MYO16: variants seen among roughly 807,000 people sequenced by gnomAD.
MYO16 encodes myosin XVI, also known as unconventional myosin-XVI.
In MYO16, 94 loss-of-function variants were observed where a neutral mutation model predicts 205.3. That is an observed-to-expected ratio of 0.46 (90% CI 0.39 to 0.54). MYO16 has a LOEUF of 0.54. Ranked by LOEUF, MYO16 falls within the 20% of genes least tolerant of loss-of-function variation. MYO16 has a pLI of 0.00. For missense variants in MYO16, 2,315 were observed against 2,387.5 expected, an observed-to-expected ratio of 0.97 and a Z score of 0.63; for synonymous variants, 988 against 954.0, an observed-to-expected ratio of 1.04 and a Z score of -0.66.
chr13:108,995,908 G>A (rs1884986666), intron 21 of MYO16, among the ~76,000 whole-genome samples: 1 of 152,150 alleles, frequency 6.6e-6, no homozygotes, highest in Non-Finnish European at 1.5e-5. Flanking sequence ...AGTTAGAATG[G>A]CGATCATTAA....
Position 108,691,527 on chromosome 13 carries a change from C to G in MYO16, c.293-21134C>G, listed in dbSNP as rs8002774. ...CTAGCACAAATGTACTGTTTACTTG[C>G]TTTTATGTTTTGTTTTGTTGTTTTC... On this transcript the variant is annotated intron_variant, in intron 2 of 34. Transcript: ENST00000457511. 6.0e-3 allele frequency among the ~76,000 whole-genome samples: 908 copies of G among 152,092 alleles called. 8 individuals carry two copies. Among genetic ancestry groups the G allele is most frequent in the African/African-American group, 0.021 (880 of 41,508 alleles).
At chr13:108,634,777 T>C (rs1389089385) in intron 1 of MYO16, among the ~76,000 whole-genome samples, 1 of 152,238 alleles carries the variant, frequency 6.6e-6, no homozygotes, top group Non-Finnish European at 1.5e-5. Flanking sequence ...TAGCAGCTTT[T>C]CCTCCACCCC....
At chr13:109,123,369 A>C (rs1876084756) in intron 29 of MYO16, among the ~76,000 whole-genome samples, 1 of 152,170 alleles carries the variant, frequency 6.6e-6, no homozygotes, top group Admixed American at 6.5e-5. Context: ...ATCCACATTA[A>C]TCTTCTCTTT....
chr13:108,789,140 C>T (rs1326625494), intron 5 of MYO16, among the ~76,000 whole-genome samples: 2 of 152,196 alleles, frequency 1.3e-5, no homozygotes, highest in East Asian at 3.8e-4. Flanking sequence ...TTTGAAACAA[C>T]ATGTCTCTGT....
intron 1 of MYO16, among the ~76,000 whole-genome samples, chr13:108,647,193 C>T (rs1325606091): frequency 6.6e-6 from 1 of 152,130 alleles, no homozygotes; most frequent in Non-Finnish European, 1.5e-5. Context: ...TTCACCATCT[C>T]TCAAAGGTTC....
intron 34 of MYO16, among the ~76,000 whole-genome samples, chr13:109,190,456 TAG>T (rs924357110): frequency 1.3e-5 from 2 of 152,212 alleles, no homozygotes; most frequent in African/African-American, 4.8e-5. Context: ...TGTGAGCTTA[TAG>T]AGAGTGCATT....
chr13:108,768,100 A>C (rs1171734630), intron 4 of MYO16, among the ~76,000 whole-genome samples: 2 of 152,172 alleles, frequency 1.3e-5, no homozygotes, highest in East Asian at 3.8e-4. Context: ...CTGAGATTCC[A>C]GCCCAGGCTT....
intron 27 of MYO16, among the ~76,000 whole-genome samples, chr13:109,068,037 C>T (rs992862577): frequency 6.6e-6 from 1 of 152,154 alleles, no homozygotes; most frequent in African/African-American, 2.4e-5. Flanking sequence ...ACATTCAATA[C>T]CACACAAATG....
At chr13:109,200,802 T>C (rs893289047) in intron 34 of MYO16, among the ~76,000 whole-genome samples, 3 of 151,900 alleles carry the variant, frequency 2.0e-5, no homozygotes, top group Admixed American at 6.6e-5. Flanking sequence ...GACTCAAATC[T>C]TTAAGTCTGT....
At chr13:109,133,674 G>A (rs1252476837) in intron 31 of MYO16, among the ~76,000 whole-genome samples, 3 of 152,164 alleles carry the variant, frequency 2.0e-5, no homozygotes, top group Non-Finnish European at 2.9e-5. Flanking sequence ...ATCATGGACT[G>A]TCTTCCCTAC....
At chr13:108,826,906 G>A (rs1876301698) in intron 9 of MYO16, among the ~76,000 whole-genome samples, 1 of 152,160 alleles carries the variant, frequency 6.6e-6, no homozygotes, top group African/African-American at 2.4e-5. Flanking sequence ...AGGATGTGGA[G>A]GAACTGCCAC....
intron 12 of MYO16, among the ~76,000 whole-genome samples, chr13:108,871,533 G>A (rs549373762): frequency 1.9e-4 from 29 of 152,170 alleles, no homozygotes; most frequent in African/African-American, 4.1e-4. Context: ...TAGACAAACC[G>A]CCTTGACCTT....
intron 1 of MYO16, among the ~76,000 whole-genome samples, chr13:108,657,235 T>C (rs1458198739): frequency 6.6e-6 from 1 of 152,230 alleles, no homozygotes; most frequent in Non-Finnish European, 1.5e-5. Flanking sequence ...CTGTCACCAA[T>C]CAGGTGGCTG....
At chr13:109,071,166 G>T (rs1374107384) in intron 27 of MYO16, among the ~76,000 whole-genome samples, 2 of 151,960 alleles carry the variant, frequency 1.3e-5, no homozygotes, top group Non-Finnish European at 2.9e-5. Flanking sequence ...CACGTCATTT[G>T]CTAAAGAATG....
chr13:109,087,664 C>T (rs772910141), intron 27 of MYO16, among the ~76,000 whole-genome samples: 2 of 152,124 alleles, frequency 1.3e-5, no homozygotes, highest in African/African-American at 4.8e-5. Flanking sequence ...GAACTAAAAA[C>T]TCCACAACGC....
chr13:108,558,374 A>G, the MYO16 span, among the ~76,000 whole-genome samples: 1 of 152,334 alleles, frequency 6.6e-6, no homozygotes, highest in East Asian at 1.9e-4. Context: ...AAGAGGCATC[A>G]TCTTTGCCAT....
At chr13:109,173,601 TAA>T (rs1312274676) in intron 33 of MYO16, among the ~76,000 whole-genome samples, 1 of 152,018 alleles carries the variant, frequency 6.6e-6, no homozygotes, top group East Asian at 1.9e-4. Flanking sequence ...AATGCCAATT[TAA>T]AGAGTGTCTC....
intron 16 of MYO16, among the ~76,000 whole-genome samples, chr13:108,923,776 T>C (rs1881853673): frequency 6.6e-6 from 1 of 152,228 alleles, no homozygotes; most frequent in Non-Finnish European, 1.5e-5. Flanking sequence ...GTCTTTGGCT[T>C]GTTTGTGTGA....
intron 33 of MYO16, among the ~76,000 whole-genome samples, chr13:109,170,764 G>A (rs1019277336): frequency 6.6e-6 from 1 of 152,078 alleles, no homozygotes; most frequent in African/African-American, 2.4e-5. Context: ...AAATGGAGAT[G>A]TTTGTGAAAT....
Sources: allele counts gnomAD v4.1 joint callset (sites outside exome capture counted in the v4.1 genomes callset), GRCh38; gene constraint gnomAD v4.1.1; transcripts MANE v1.5; gene names NCBI Gene and HGNC (gene_info 2026-07-23, HGNC 2026-07-21).